The following SP140 variants were observed in gnomAD, a reference collection of about 807,000 sequenced individuals.
The protein encoded by SP140 is nuclear body protein SP140.
A neutral mutation model predicts 125.0 loss-of-function variants in SP140; 81 were observed. The observed-to-expected ratio is 0.65, with a 90% confidence interval of 0.54 to 0.78. The LOEUF (loss-of-function observed/expected upper bound fraction) is 0.78. SP140 is among the 30% of genes least tolerant of loss of function. The pLI is 0.00. For synonymous variants in SP140, 312 were observed against 354.0 expected, an observed-to-expected ratio of 0.88 and a Z score of 1.33; for missense variants, 858 against 1,037.0, an observed-to-expected ratio of 0.83 and a Z score of 2.37.
chr2:230,295,379 C>G (rs528387692), intron 21 of SP140, among the ~76,000 whole-genome samples: 1 of 152,146 alleles, frequency 6.6e-6, no homozygotes, highest in African/African-American at 2.4e-5. Flanking sequence ...CTGGGTTTCC[C>G]GAAGGGAAAC....
chr2:230,297,437 A>C lies in SP140; in HGVS notation c.2033A>C (p.Gln678Pro). The C allele has an allele frequency of 6.2e-7, 1 of 1,613,998 alleles. No individual in the cohort carries two copies. ...TTTCAACAGAGAATACTGAAGTCTC[A>C]AAACAATAGCTCAGTTGACCCTTGT... ...YRKKKRILKS[Q>P]NNSSVDPCMR... Residue 678 changes from glutamine (Q) to proline (P), a missense_variant, in exon 22 of 27, where the codon CAA becomes CCA. Gln to Pro is a moderately conservative substitution (Grantham distance 76). Transcript: ENST00000392045.
rs1408735739 is a variant in SP140 at position 230,214,906 on chromosome 2, T to C, written c.-91+832T>C. On this transcript the variant is annotated intron_variant, in intron 3 of 4. Coordinates refer to the SP140 transcript ENST00000456542. ...TAGAAGTAAACCCAGACTTTTACCA[T>C]AGCAACTTTTTAAATGCAAAAAGCA... The C allele has an allele frequency of 3.9e-6, 6 of 1,551,882 alleles. No homozygotes were observed. The African/African-American group carries it at 4.1e-5, about 11-fold the overall frequency.
In SP140 at chr2:230,225,778, C is replaced by T; in HGVS notation, c.-67C>T. ...AGCACCGAGGGGCAGTTGGCAGCTTCACCTCAGAGCTGCAGGAAGGAACGG... is the reference window on the plus strand; with the variant it reads ...AGCACCGAGGGGCAGTTGGCAGCTTTACCTCAGAGCTGCAGGAAGGAACGG... On this transcript the variant is annotated 5_prime_UTR_variant, in exon 1 of 27. Coordinates refer to ENST00000392045, the MANE Select transcript of SP140 (RefSeq NM_007237.5). 7.4e-7 allele frequency: 1 copy of T among 1,350,188 alleles called. No individual in the cohort carries two copies. The highest frequency in any genetic ancestry group is 1.1e-6 in the Non-Finnish European group (1 of 939,184). 83.6% of individuals were successfully genotyped at this position (1,350,188 alleles called of 1,614,324 possible).
intron 15 of SP140, among the ~76,000 whole-genome samples, chr2:230,278,607 C>G (rs531506361): frequency 6.6e-6 from 1 of 152,090 alleles, no homozygotes; most frequent in South Asian, 2.1e-4. Context: ...CCTCTGTTTT[C>G]TTCTAGGAAT....
At chr2:230,232,318 A>G (rs142372073) in intron 1 of SP140, among the ~76,000 whole-genome samples, 18 of 152,358 alleles carry the variant, frequency 1.2e-4, no homozygotes, top group African/African-American at 4.3e-4. Flanking sequence ...ATACCAGGCT[A>G]TGACTTCAGT....
intron 1 of SP140, among the ~76,000 whole-genome samples, chr2:230,236,002 G>A (rs756272387): frequency 2.0e-5 from 3 of 150,366 alleles, no homozygotes; most frequent in Non-Finnish European, 3.0e-5. Context: ...TCAGCCTCTC[G>A]AGTAGCTGGG....
intron 22 of SP140, among the ~76,000 whole-genome samples, chr2:230,305,177 G>A (rs2058639314): frequency 6.6e-6 from 1 of 152,264 alleles, no homozygotes; most frequent in South Asian, 2.1e-4. Context: ...TAATTATCAG[G>A]GAAATGCAAA....
chr2:230,256,665 G>A (rs1298443682), intron 12 of SP140, among the ~76,000 whole-genome samples: 2 of 152,006 alleles, frequency 1.3e-5, no homozygotes, highest in African/African-American at 2.4e-5. Flanking sequence ...AAAACTTAAA[G>A]TATAATAAAA....
the SP140 span, among the ~76,000 whole-genome samples, chr2:230,196,278 A>G: frequency 6.6e-6 from 1 of 152,186 alleles, no homozygotes; most frequent in Admixed American, 6.5e-5. Flanking sequence ...TTCTATTTTC[A>G]TATAAAAATA....
chr2:230,240,791 G>T (rs1335497932), intron 3 of SP140, among the ~76,000 whole-genome samples: 1 of 152,158 alleles, frequency 6.6e-6, no homozygotes, highest in Non-Finnish European at 1.5e-5. Context: ...GATCTTGGCA[G>T]TTTCACTCCT....
At chr2:230,232,414 T>C (rs6716753) in intron 1 of SP140, among the ~76,000 whole-genome samples, 26,453 of 152,232 alleles carry the variant, frequency 0.17, 2,408 homozygotes, top group Middle Eastern at 0.26. Flanking sequence ...CTTGTGACTT[T>C]GGTTATTTGA....
chr2:230,211,666 C>G lies in SP140; in HGVS notation c.-322-1988C>G. ...GTAAAAATGACGGGGTAACAGCAAC[C>G]AAGGCCTGGGAAAGGATGGCATAGA... On this transcript the variant is annotated intron_variant, in intron 1 of 4. Coordinates refer to the SP140 transcript ENST00000456542. This position sits in a 1 kb window ranked among gnomAD's most constrained non-coding sequence, Gnocchi z 4.2. The G allele has an allele frequency of 1.3e-6, 1 of 742,050 alleles. No individual in the cohort carries two copies. Among genetic ancestry groups the G allele is most frequent in the Non-Finnish European group, 2.4e-6 (1 of 410,586 alleles). 46.0% of individuals were successfully genotyped at this position (742,050 alleles called of 1,614,324 possible).
At chr2:230,226,991 C>T (rs6738039) in intron 1 of SP140, among the ~76,000 whole-genome samples, 2 of 152,016 alleles carry the variant, frequency 1.3e-5, no homozygotes, top group South Asian at 2.1e-4. Flanking sequence ...TTAAAATATA[C>T]AGGAGGATGT....
Position 230,247,920 on chromosome 2 carries a change from A to G in SP140, c.747A>G (p.Leu249=), listed in dbSNP as rs889708085. The G allele has an allele frequency of 1.2e-6, 2 of 1,613,046 alleles. No individual in the cohort carries two copies. Among genetic ancestry groups the G allele is most frequent in the Non-Finnish European group, 1.7e-6 (2 of 1,179,550 alleles). Residue 249 remains leucine, a synonymous_variant, in exon 8 of 27, where the codon CTA becomes CTG. Coordinates refer to ENST00000392045, the MANE Select transcript of SP140 (RefSeq NM_007237.5). ...PKLLPYDTEV[L]ESNGMIDAAR... ...GATGCCTTTTTTGATCCCTAGTTCT[A>G]GAAAGCAACGGGATGATAGATGCGG... is the stretch of plus-strand genomic sequence containing the variant.
intron 1 of SP140, among the ~76,000 whole-genome samples, chr2:230,204,260 CAA>C (rs1184345355): frequency 6.6e-6 from 1 of 152,170 alleles, no homozygotes; most frequent in African/African-American, 2.4e-5. Context: ...CCCTCTCTAA[CAA>C]AGTCACTTCT....
At position 230,294,309 on chromosome 2, in the gene SP140, G is replaced by C; in HGVS notation, c.2007G>C (p.Arg669Ser). 1 of 1,606,128 alleles carries C rather than the reference G, an allele frequency of 6.2e-7. No individual in the cohort carries two copies. Among genetic ancestry groups the C allele is most frequent in the Non-Finnish European group, 8.5e-7 (1 of 1,174,660 alleles). Residue 669 changes from arginine (R) to serine (S), a missense_variant, in exon 21 of 27, where the codon AGG becomes AGC. By Grantham distance (110) the Arg-to-Ser change is moderately radical. Coordinates refer to ENST00000392045, the MANE Select transcript of SP140 (RefSeq NM_007237.5). The stretch of plus-strand genomic sequence containing the variant: ...CTGATCCTCCAAGAATACGTTACAG[G>C]AAAAAAAAGGTGATTATTACATAGC... ...FLPDPPRIRY[R>S]KKKRILKSQN...
chr2:230,195,433 C>T, the SP140 span, among the ~76,000 whole-genome samples: 2 of 152,100 alleles, frequency 1.3e-5, no homozygotes, highest in Non-Finnish European at 2.9e-5. Context: ...ATCCTGGGTC[C>T]AAGTGATTAT....
intron 19 of SP140, 128 bp downstream of exon 19, chr2:230,290,692 G>A: frequency 2.6e-6 from 2 of 761,726 alleles, no homozygotes; most frequent in Non-Finnish European, 4.3e-6. Context: ...GAAGGAGGAA[G>A]GGATTTCTAA....
chr2:230,294,424 C>T (rs924072452), intron 21 of SP140, 106 bp downstream of exon 21: 8 of 777,418 alleles, frequency 1.0e-5, no homozygotes, highest in African/African-American at 3.5e-5. Flanking sequence ...ATTAAGCTTT[C>T]ACCTTCTTCA....
Sources: gnomAD v4.1 joint callset for allele counts (sites outside exome capture counted in the v4.1 genomes callset) on GRCh38, gnomAD v4.1.1 for gene constraint, Gnocchi (gnomAD v3.1) non-coding constraint, MANE v1.5 for transcripts, NCBI Gene and HGNC (gene_info 2026-07-23, HGNC 2026-07-21) for gene names.